Variants in NBPF11 observed in about 807,000 individuals in gnomAD.
The protein encoded by NBPF11 is NBPF family member NBPF11.
A neutral mutation model predicts 93.9 loss-of-function variants in NBPF11; 72 were observed. The observed-to-expected ratio is 0.77, with a 90% confidence interval of 0.63 to 0.93. NBPF11 has a LOEUF of 0.93. Ranked by LOEUF, NBPF11 falls within the 40% of genes least tolerant of loss-of-function variation. The pLI is 0.00. For synonymous variants in NBPF11, 224 were observed against 304.9 expected, an observed-to-expected ratio of 0.73 and a Z score of 2.76; for missense variants, 705 against 802.2, an observed-to-expected ratio of 0.88 and a Z score of 1.46.
intron 1 of NBPF11, among the ~76,000 whole-genome samples, chr1:148,145,047 G>A (rs1173579481): frequency 6.7e-6 from 1 of 148,324 alleles, no homozygotes; most frequent in Non-Finnish European, 1.5e-5. Flanking sequence ...AGGTGGCAGT[G>A]AGCTGAGATT....
intron 1 of NBPF11, among the ~76,000 whole-genome samples, chr1:148,143,940 C>G (rs1672583551): frequency 1.4e-5 from 2 of 147,556 alleles, no homozygotes; most frequent in African/African-American, 5.0e-5. Context: ...CACACTTGCA[C>G]TCTCAGCTAC....
chr1:148,124,750 T>G, intron 6 of NBPF11, 149 bp downstream of exon 6: 3 of 653,666 alleles, frequency 4.6e-6, no homozygotes, highest in Non-Finnish European at 8.1e-6. Context: ...ATCCTTGTTC[T>G]CTGATAAATA....
chr1:148,110,275 T>G (rs1664934563), intron 16 of NBPF11, 103 bp downstream of exon 16: 1 of 1,485,642 alleles, frequency 6.7e-7, no homozygotes, highest in Non-Finnish European at 9.4e-7. Flanking sequence ...CAGCCCACAG[T>G]GATGGCAACT....
chr1:148,126,766 A>T, intron 5 of NBPF11, 63 bp downstream of exon 5: 1 of 1,545,598 alleles, frequency 6.5e-7, no homozygotes, highest in Non-Finnish European at 8.9e-7. Flanking sequence ...ATTATTTTTG[A>T]TGGAGAGAGC....
At chr1:148,130,202 T>G (rs1276371315) in intron 4 of NBPF11, among the ~76,000 whole-genome samples, 1 of 151,934 alleles carries the variant, frequency 6.6e-6, no homozygotes, top group Non-Finnish European at 1.5e-5. Flanking sequence ...TGCTTTGATA[T>G]ATTTATGAAT....
intron 4 of NBPF11, among the ~76,000 whole-genome samples, chr1:148,133,584 C>A (rs1392402912): frequency 6.6e-6 from 1 of 152,010 alleles, no homozygotes; most frequent in African/African-American, 2.4e-5. Context: ...CTGTGTATGA[C>A]CACGTAATCA....
intron 2 of NBPF11, among the ~76,000 whole-genome samples, chr1:148,139,238 A>T (rs1294319099): frequency 6.6e-6 from 1 of 150,462 alleles, no homozygotes; most frequent in Non-Finnish European, 1.5e-5. Flanking sequence ...AACAAATACC[A>T]GTCACCAGCA....
chr1:148,137,558 A>C (rs1671519211), intron 3 of NBPF11, among the ~76,000 whole-genome samples, 153 bp downstream of exon 3: 1 of 151,340 alleles, frequency 6.6e-6, no homozygotes, highest in African/African-American at 2.4e-5. Flanking sequence ...GTTTGTGGTA[A>C]TGTGATAATA....
intron 1 of NBPF11, chr1:148,146,417 A>C (rs1255065295): frequency 5.6e-6 from 9 of 1,602,536 alleles, no homozygotes; most frequent in African/African-American, 5.4e-5. Flanking sequence ...TCGCTGAGTG[A>C]GCTCTGCTGC....
intron 2 of NBPF11, 148 bp from the exon 3 acceptor site, chr1:148,137,957 TTCAGCATACGGAGGACCC>T (rs1671596415): frequency 8.3e-6 from 1 of 120,758 alleles, no homozygotes; most frequent in Non-Finnish European, 1.9e-5. Flanking sequence ...GGGACTGGCG[TTCAGCATACGGAGGACCC>T]ATGCCTGCAC....
In NBPF11 at chr1:148,149,380, C is replaced by A. The variant is rs1411771393; in HGVS notation, c.-549+2370G>T. 5.7e-5 allele frequency: 91 copies of A among 1,594,726 alleles called. No homozygotes were observed. In the African/African-American group the frequency reaches 1.2e-3, roughly 21 times the overall value. On this transcript the variant is annotated intron_variant, in intron 1 of 23. Coordinates refer to ENST00000682118, the MANE Select transcript of NBPF11 (RefSeq NM_001385469.3). ...CCAAGATCACGTCTCCCGTGCTCAT[C>A]ATCCACGGCAGGGAGGACGAGGTGA... is the stretch of plus-strand genomic sequence containing the variant.
intron 1 of NBPF11, chr1:148,146,954 G>A (rs1673231940): frequency 1.7e-5 from 26 of 1,557,330 alleles, no homozygotes; most frequent in Non-Finnish European, 2.3e-5. Flanking sequence ...CTCAGCCTGG[G>A]CACACCCAAG....
At chr1:148,129,637 A>T (rs1669972772) in intron 4 of NBPF11, 1 of 174,504 alleles carries the variant, frequency 5.7e-6, no homozygotes, top group Non-Finnish European at 1.3e-5. Flanking sequence ...TGGTTGGCAA[A>T]GACTGGTCAA....
chr1:148,103,904 C>A lies in NBPF11; in HGVS notation c.2590G>T (p.Ala864Ser), dbSNP rs1662879435. 1 of 1,610,944 alleles carries A rather than the reference C, an allele frequency of 6.2e-7. No homozygotes were observed. The highest frequency in any genetic ancestry group is 8.5e-7 in the Non-Finnish European group (1 of 1,179,104). Residue 864 changes from alanine to serine, a missense_variant, in exon 24 of 24, where the codon GCG becomes TCG. By Grantham distance (99) the Ala-to-Ser change is moderately conservative. Coordinates refer to ENST00000682118, the MANE Select transcript of NBPF11 (RefSeq NM_001385469.3). ...IKTHHAPGSA[A>S]C ...AGGCACTTCCACTTCCATCAGCACGCTGCTGAGCCTGGAAAAGGAGACAAA... is the reference window on the plus strand; with the variant it reads ...AGGCACTTCCACTTCCATCAGCACGATGCTGAGCCTGGAAAAGGAGACAAA...
At position 148,108,476 on chromosome 1, in the gene NBPF11, A is replaced by G. The variant is rs1553267773; in HGVS notation, c.2026+6T>C. The G allele has an allele frequency of 1.3e-6, 2 of 1,523,288 alleles. No individual in the cohort carries two copies. Among genetic ancestry groups the G allele is most frequent in the East Asian group, 2.3e-5 (1 of 44,034 alleles). The allele number at this position is 1,523,288 out of a possible 1,614,324, so 94.4% of individuals were successfully genotyped here. On this transcript the variant is annotated splice_donor_region_variant and intron_variant, in intron 18 of 23. Coordinates refer to ENST00000682118, the MANE Select transcript of NBPF11 (RefSeq NM_001385469.3). Reference sequence around the variant, plus strand: ...ATCCTTATCACCTTCATAGAAAGGTACTCACCATCCATGTCAACAGCCAAG... The same window carrying G: ...ATCCTTATCACCTTCATAGAAAGGTGCTCACCATCCATGTCAACAGCCAAG...
intron 10 of NBPF11, among the ~76,000 whole-genome samples, chr1:148,119,421 G>T (rs1667306752): frequency 1.3e-5 from 2 of 152,006 alleles, no homozygotes; most frequent in South Asian, 4.2e-4. Context: ...ATTTACAGAG[G>T]TAGGTATTAT....
rs1468547245 is a variant in NBPF11, at chr1:148,134,777, G to A, written c.-36+895C>T. On this transcript the variant is annotated intron_variant, in intron 4 of 23. Transcript: ENST00000682118. ...TCAATTATGTGTTGAAGAGTACACAGAGACTGCCAGGCTGAGGGACGATGC... is the reference window on the plus strand; with the variant it reads ...TCAATTATGTGTTGAAGAGTACACAAAGACTGCCAGGCTGAGGGACGATGC... Among the ~76,000 whole-genome samples, 11 of 152,084 alleles carry A rather than the reference G, an allele frequency of 7.2e-5. No homozygotes were observed. The Middle Eastern group carries it at 0.014, about 188-fold the overall frequency.
At chr1:148,106,843 T>A (rs1353436645) in intron 20 of NBPF11, 99 bp downstream of exon 20, 2 of 813,028 alleles carry the variant, frequency 2.5e-6, no homozygotes, top group East Asian at 2.6e-5. Flanking sequence ...CCTGTGGCAA[T>A]GAAGTCTCTC....
intron 1 of NBPF11, among the ~76,000 whole-genome samples, chr1:148,151,303 C>A (rs1345159352): frequency 0.014 from 2,104 of 152,044 alleles, 76 homozygotes; most frequent in African/African-American, 0.049. Context: ...CATCACCAGC[C>A]TGGAGACACC....
Sources: gnomAD v4.1 joint callset for allele counts (sites outside exome capture counted in the v4.1 genomes callset) on GRCh38, gnomAD v4.1.1 for gene constraint, MANE v1.5 for transcripts, NCBI Gene and HGNC (gene_info 2026-07-23, HGNC 2026-07-21) for gene names.